The following ROBO2 variants were observed in gnomAD, a reference collection of about 807,000 sequenced individuals.
The protein encoded by ROBO2 is roundabout homolog 2.
ROBO2 carries 53 observed loss-of-function variants against 160.8 expected under a neutral mutation model. That is an observed-to-expected ratio of 0.33 (90% confidence interval 0.26 to 0.41). The LOEUF (loss-of-function observed/expected upper bound fraction) is 0.41, where lower values mean the gene tolerates loss of function less well. Ranked by LOEUF, ROBO2 falls within the 10% of genes least tolerant of loss-of-function variation. The pLI, the probability that ROBO2 is intolerant of heterozygous loss-of-function variation, is 1.00. For synonymous variants in ROBO2, 664 were observed against 611.7 expected (o/e 1.09, Z -1.26); for missense variants, 1,577 against 1,722.4 (o/e 0.92, Z 1.49).
chr3:76,699,387 A>C (rs2092999648), intron 2 of ROBO2, among the ~76,000 whole-genome samples: 1 of 151,968 alleles, frequency 6.6e-6, no homozygotes, highest in African/African-American at 2.4e-5. Context: ...CCACCATATC[A>C]GACTTCTCCA....
intron 23 of ROBO2, among the ~76,000 whole-genome samples, chr3:77,625,706 G>A (rs2095005046): frequency 6.6e-6 from 1 of 152,084 alleles, no homozygotes; most frequent in African/African-American, 2.4e-5. Context: ...GCAGTAGCCT[G>A]TATTTTGTGT....
intron 2 of ROBO2, among the ~76,000 whole-genome samples, chr3:76,344,122 A>G (rs2074386993): frequency 6.6e-6 from 1 of 152,156 alleles, no homozygotes; most frequent in Non-Finnish European, 1.5e-5. Context: ...AATAATTTCT[A>G]CTTAATCTTT....
Position 76,272,795 on chromosome 3 carries a change from T to TAAAATATATATTATATATTATATATAAA in ROBO2, c.109+335194_109+335195insAAATATATATTATATATTATATATAAAA. Among the ~76,000 whole-genome samples, 2 of 40,156 alleles carry TAAAATATATATTATATATTATATATAAA rather than the reference T, an allele frequency of 5.0e-5. 1 individual carries two copies. The highest frequency in any genetic ancestry group is 1.5e-3 in the South Asian group (2 of 1,342). 26.3% of individuals were successfully genotyped at this position (40,156 alleles called of 152,430 possible). ...TTATATATAAAATATATAAAATATA[T>TAAAATATATATTATATATTATATATAAA]ATATATAAAATATATAATATGTATT... On this transcript the variant is annotated intron_variant, in intron 2 of 26. Transcript: ENST00000487694.
chr3:77,088,510 C>A (rs2069667329), intron 1 of ROBO2, among the ~76,000 whole-genome samples: 1 of 152,066 alleles, frequency 6.6e-6, no homozygotes, highest in South Asian at 2.1e-4. Flanking sequence ...TAGGTATTAA[C>A]CCCGTAAGCA....
chr3:76,134,797 A>C (rs1354753911), intron 2 of ROBO2, among the ~76,000 whole-genome samples: 2 of 152,128 alleles, frequency 1.3e-5, no homozygotes, highest in African/African-American at 4.8e-5. Context: ...TATTCAGCAG[A>C]AAACTAGTAA....
At chr3:76,259,972 G>T (rs1706641790) in intron 2 of ROBO2, among the ~76,000 whole-genome samples, 1 of 152,090 alleles carries the variant, frequency 6.6e-6, no homozygotes, top group Non-Finnish European at 1.5e-5. Context: ...CATAGTTTAT[G>T]ACAATCTGGT....
chr3:76,047,699 T>C (rs1046037341), intron 2 of ROBO2, among the ~76,000 whole-genome samples: 1 of 152,196 alleles, frequency 6.6e-6, no homozygotes, highest in Non-Finnish European at 1.5e-5. Context: ...AATCCAGTCT[T>C]GAGACCAGAG....
At chr3:77,099,551 T>C (rs2071616002) in intron 2 of ROBO2, among the ~76,000 whole-genome samples, 1 of 152,216 alleles carries the variant, frequency 6.6e-6, no homozygotes, top group Non-Finnish European at 1.5e-5. Flanking sequence ...CAAATAGTTT[T>C]ATTTTTATAA....
intron 2 of ROBO2, among the ~76,000 whole-genome samples, chr3:77,172,821 T>C (rs1400393747): frequency 6.6e-6 from 1 of 152,232 alleles, no homozygotes; most frequent in East Asian, 1.9e-4. Flanking sequence ...TACTTAGCTT[T>C]TCAGAAGATT....
chr3:76,798,138 AAGAGAAAG>A (rs1431421870), intron 2 of ROBO2, among the ~76,000 whole-genome samples: 2 of 70,104 alleles, frequency 2.9e-5, no homozygotes, highest in African/African-American at 1.2e-4. Flanking sequence ...AGAAAGAAGA[AAGAGAAAG>A]AAAGAAAGAA....
intron 21 of ROBO2, among the ~76,000 whole-genome samples, chr3:77,612,276 G>A (rs1583278999): frequency 6.6e-6 from 1 of 152,186 alleles, no homozygotes; most frequent in Admixed American, 6.5e-5. Flanking sequence ...TCTGTAAAAT[G>A]TGAAGGAAAC....
At chr3:76,984,723 T>C (rs903465178) in intron 2 of ROBO2, among the ~76,000 whole-genome samples, 3 of 151,976 alleles carry the variant, frequency 2.0e-5, no homozygotes, top group African/African-American at 7.3e-5. Context: ...AAGTAGATTA[T>C]AAGAGAATCA....
intron 2 of ROBO2, among the ~76,000 whole-genome samples, chr3:76,209,979 A>C (rs992606784): frequency 6.6e-6 from 1 of 152,118 alleles, no homozygotes. Context: ...AGAAAAAAAC[A>C]TTCAGGCCCA....
chr3:76,800,045 A>C (rs2064079517), intron 2 of ROBO2, among the ~76,000 whole-genome samples: 2 of 152,312 alleles, frequency 1.3e-5, no homozygotes, highest in Non-Finnish European at 2.9e-5. Context: ...GAAACAGAAT[A>C]GAGAACCCAG....
At chr3:76,223,558 C>T (rs1242051517) in intron 2 of ROBO2, among the ~76,000 whole-genome samples, 1 of 152,150 alleles carries the variant, frequency 6.6e-6, no homozygotes, top group African/African-American at 2.4e-5. Flanking sequence ...ACATCCCCAT[C>T]CCAGCTTATA....
chr3:77,110,380 A>G (rs946017678), intron 2 of ROBO2, among the ~76,000 whole-genome samples: 1 of 152,074 alleles, frequency 6.6e-6, no homozygotes, highest in African/African-American at 2.4e-5. Flanking sequence ...ATTTGTGGAC[A>G]TTTGCTGACT....
At position 76,895,973 on chromosome 3, in the gene ROBO2, A is replaced by T. The variant is rs181890235; in HGVS notation, c.110-202041A>T. ...CTTGGACAGCCTGACTCGCCTTCTA[A>T]TCCATCACAACGGCATGTGAGAGGC... is the stretch of plus-strand genomic sequence containing the variant. On this transcript the variant is annotated intron_variant, in intron 2 of 26. Transcript: ENST00000487694. Among the ~76,000 whole-genome samples the T allele has an allele frequency of 1.3e-3, 204 of 152,244 alleles. 1 individual carries two copies. Among genetic ancestry groups the T allele is most frequent in the African/African-American group, 4.6e-3 (193 of 41,560 alleles).
intron 2 of ROBO2, among the ~76,000 whole-genome samples, chr3:76,404,950 T>C (rs1050088916): frequency 2.0e-5 from 3 of 151,672 alleles, no homozygotes; most frequent in Non-Finnish European, 4.4e-5. Context: ...TAAGGCATAA[T>C]ATTAGTTGAC....
intron 2 of ROBO2, among the ~76,000 whole-genome samples, chr3:77,409,146 A>AT (rs1181544170): frequency 4.0e-5 from 6 of 149,518 alleles, no homozygotes; most frequent in South Asian, 2.1e-4. Flanking sequence ...GGTTAAAATC[A>AT]TTTTTTTGCA....
Sources: gnomAD v4.1 joint callset for allele counts (sites outside exome capture counted in the v4.1 genomes callset) on GRCh38, gnomAD v4.1.1 for gene constraint, MANE v1.5 for transcripts, NCBI Gene and HGNC (gene_info 2026-07-23, HGNC 2026-07-21) for gene names.